BMPR1B: variants seen among roughly 807,000 people sequenced by gnomAD.
BMPR1B encodes the protein bone morphogenetic protein receptor type 1B.
A neutral mutation model predicts 59.1 loss-of-function variants in BMPR1B; 12 were observed. The observed-to-expected ratio is 0.20, with a 90% confidence interval of 0.13 to 0.33. BMPR1B has a LOEUF of 0.33. Among genes scored for constraint, BMPR1B ranks in the 10% least tolerant of loss-of-function variants. BMPR1B has a pLI of 1.00. For missense variants in BMPR1B, 550 were observed against 610.9 expected (o/e 0.90, Z 1.05); for synonymous variants, 237 against 207.3 (o/e 1.14, Z -1.23).
intron 10 of BMPR1B, among the ~76,000 whole-genome samples, chr4:95,133,127 A>C (rs1232654477): frequency 1.3e-5 from 2 of 152,078 alleles, no homozygotes; most frequent in Non-Finnish European, 2.9e-5. Flanking sequence ...CAAGTGAATG[A>C]ATTTTCTTTC....
At chr4:94,996,511 G>A (rs1722068131) in intron 3 of BMPR1B, 1 of 152,184 alleles carries the variant, frequency 6.6e-6, no homozygotes, top group South Asian at 2.1e-4. Flanking sequence ...TCTAGACATG[G>A]ATTATAAGGG....
chr4:94,859,276 A>G (rs1725888011), intron 1 of BMPR1B, among the ~76,000 whole-genome samples: 1 of 152,216 alleles, frequency 6.6e-6, no homozygotes, highest in South Asian at 2.1e-4. Flanking sequence ...TTTTTAAAAA[A>G]AGAATTACTT....
chr4:95,023,958 A>C (rs1724175029), intron 3 of BMPR1B, among the ~76,000 whole-genome samples: 1 of 152,192 alleles, frequency 6.6e-6, no homozygotes, highest in African/African-American at 2.4e-5. Context: ...GGATGCTTGG[A>C]GGGATTAGGT....
chr4:94,758,025 A>G lies in BMPR1B; in HGVS notation c.-226A>G, dbSNP rs1212785851. On this transcript the variant is annotated 5_prime_UTR_variant, in exon 1 of 13. Coordinates refer to ENST00000515059, the MANE Select transcript of BMPR1B (RefSeq NM_001203.3). ...CCTCGCGGGACGCCGGGCAGTGCGG[A>G]GACCGCGGCGCTGAGGACGCGGGAG... The G allele has an allele frequency of 2.1e-5, 3 of 144,724 alleles. No homozygotes were observed. The highest frequency in any genetic ancestry group is 2.1e-4 in the East Asian group (1 of 4,790). The allele number at this position is 144,724 out of a possible 1,614,324, so 9.0% of individuals were successfully genotyped here.
intron 2 of BMPR1B, among the ~76,000 whole-genome samples, chr4:94,969,335 A>G (rs1383659197): frequency 6.6e-6 from 1 of 152,008 alleles, no homozygotes; most frequent in African/African-American, 2.4e-5. Context: ...ATGCCCGTCC[A>G]TATCCTGAGT....
intron 3 of BMPR1B, among the ~76,000 whole-genome samples, chr4:95,045,073 C>T (rs1336289398): frequency 1.3e-5 from 2 of 152,004 alleles, no homozygotes; most frequent in African/African-American, 2.4e-5. Flanking sequence ...TGGAAGAAGG[C>T]AATAACTGTT....
At chr4:94,851,840 T>C (rs1725578886) in intron 1 of BMPR1B, among the ~76,000 whole-genome samples, 1 of 152,130 alleles carries the variant, frequency 6.6e-6, no homozygotes, top group Admixed American at 6.5e-5. Context: ...TATACACAAA[T>C]TTTTATTCTT....
At chr4:94,832,067 A>C (rs1382652317) in intron 1 of BMPR1B, among the ~76,000 whole-genome samples, 1 of 149,566 alleles carries the variant, frequency 6.7e-6, no homozygotes, top group Admixed American at 6.7e-5. Context: ...AATATTAATA[A>C]TAATAAAGTG....
chr4:95,006,368 C>T (rs1722830669), intron 3 of BMPR1B, among the ~76,000 whole-genome samples: 1 of 116,736 alleles, frequency 8.6e-6, no homozygotes, highest in East Asian at 2.8e-4. Context: ...CAGGGCGAGA[C>T]TCCATCTCAA....
intron 3 of BMPR1B, among the ~76,000 whole-genome samples, chr4:95,066,262 G>A (rs942578570): frequency 1.3e-5 from 2 of 152,204 alleles, no homozygotes; most frequent in Non-Finnish European, 2.9e-5. Flanking sequence ...AGAGTGGTTG[G>A]GAAATTGCCT....
chr4:95,100,774 C>T (rs1730761262), intron 3 of BMPR1B, among the ~76,000 whole-genome samples: 1 of 152,126 alleles, frequency 6.6e-6, no homozygotes, highest in South Asian at 2.1e-4. Flanking sequence ...AGCTCACCTG[C>T]TGGGATTTTC....
chr4:94,850,489 T>A (rs1428682063), intron 1 of BMPR1B, among the ~76,000 whole-genome samples: 1 of 117,390 alleles, frequency 8.5e-6, no homozygotes, highest in African/African-American at 3.1e-5. Context: ...TGTGAAAATG[T>A]TTGTGATTTC....
At chr4:95,099,808 T>C (rs1402028454) in intron 3 of BMPR1B, among the ~76,000 whole-genome samples, 3 of 152,236 alleles carry the variant, frequency 2.0e-5, no homozygotes, top group African/African-American at 7.2e-5. Flanking sequence ...TATTCAATTT[T>C]AGGCATTACC....
chr4:95,071,650 G>A (rs762793064), intron 3 of BMPR1B, among the ~76,000 whole-genome samples: 7,573 of 76,984 alleles, frequency 0.098, 1,004 homozygotes, highest in African/African-American at 0.31. Flanking sequence ...GTGTGTGTGT[G>A]TGTATATATA....
chr4:95,126,840 C>G (rs1306841880), intron 8 of BMPR1B, among the ~76,000 whole-genome samples: 1 of 152,036 alleles, frequency 6.6e-6, no homozygotes, highest in Middle Eastern at 3.4e-3. Flanking sequence ...GAGTGAATAC[C>G]TCATCTTAAC....
chr4:94,958,740 A>G (rs1358106051), intron 2 of BMPR1B, among the ~76,000 whole-genome samples: 1 of 152,098 alleles, frequency 6.6e-6, no homozygotes, highest in Non-Finnish European at 1.5e-5. Context: ...GGAAATGTGT[A>G]TTTCTTATTA....
chr4:95,002,507 T>A (rs1278360168), intron 3 of BMPR1B, among the ~76,000 whole-genome samples: 1 of 152,352 alleles, frequency 6.6e-6, no homozygotes, highest in South Asian at 2.1e-4. Flanking sequence ...TGGGATTCAC[T>A]GGGTCGAATG....
chr4:94,900,205 T>C (rs781399270), intron 2 of BMPR1B, among the ~76,000 whole-genome samples: 5 of 151,748 alleles, frequency 3.3e-5, no homozygotes, highest in Non-Finnish European at 5.9e-5. Context: ...GACACCACAG[T>C]GTAATGCGCT....
rs567110249 is a variant in BMPR1B, at chr4:95,062,957, A to G, written c.-17-41451A>G. Among the ~76,000 whole-genome samples the G allele has an allele frequency of 5.9e-5, 9 of 152,214 alleles. No homozygotes were observed. In the South Asian group the frequency reaches 1.2e-3, roughly 21 times the overall value. On this transcript the variant is annotated intron_variant, in intron 3 of 12. Transcript: ENST00000515059. ...CCTGTGGCTTTGTTTTGCTGCTTAT[A>G]TTTGCTACTTAAGGGCTTTTAAAAA...
Sources: gnomAD v4.1 joint callset for allele counts (sites outside exome capture counted in the v4.1 genomes callset) on GRCh38, gnomAD v4.1.1 for gene constraint, MANE v1.5 for transcripts, NCBI Gene and HGNC (gene_info 2026-07-23, HGNC 2026-07-21) for gene names.